PRKAG1: variants seen among roughly 807,000 people sequenced by gnomAD.
PRKAG1 encodes the protein protein kinase AMP-activated non-catalytic subunit gamma 1.
In PRKAG1, 27 loss-of-function variants were observed where a neutral mutation model predicts 48.2. The observed-to-expected ratio is 0.56, with a 90% CI of 0.41 to 0.77. The LOEUF (loss-of-function observed/expected upper bound fraction) is 0.77, where lower values mean the gene tolerates loss of function less well. PRKAG1 is among the 30% of genes least tolerant of loss of function. PRKAG1 has a pLI of 0.00. For missense variants in PRKAG1, 287 were observed against 398.3 expected, an observed-to-expected ratio of 0.72 and a Z score of 2.38; for synonymous variants, 130 against 147.7, an observed-to-expected ratio of 0.88 and a Z score of 0.87.
rs758113213 is a variant in PRKAG1, at chr12:49,004,984, G to A, written c.390C>T (p.Val130=). The change falls in exon 7 of 12, where the codon GTC becomes GTT. Residue 130 remains valine (V), a synonymous_variant. Coordinates refer to ENST00000548065, the MANE Select transcript of PRKAG1 (RefSeq NM_002733.5). Reference sequence around the variant, plus strand: ...CTCACCTGGCATTAGGAGAAATGCAGACAAGCGGTTTAAAGGAGTCCTGGA... The same window carrying A: ...CTCACCTGGCATTAGGAGAAATGCAAACAAGCGGTTTAAAGGAGTCCTGGA... The part of the protein sequence containing the change: ...VYLQDSFKPL[V]CISPNASLFD... 1 of 1,614,092 alleles carries A rather than the reference G, an allele frequency of 6.2e-7. No individual in the cohort carries two copies. Among genetic ancestry groups the A allele is most frequent in the African/African-American group, 1.3e-5 (1 of 75,006 alleles).
chr12:49,014,249 G>A (rs1941879619), intron 1 of PRKAG1, among the ~76,000 whole-genome samples: 2 of 152,172 alleles, frequency 1.3e-5, no homozygotes, highest in South Asian at 4.1e-4. Flanking sequence ...TGGAATCACA[G>A]AAGAGAAGAA....
Position 49,005,376 on chromosome 12 carries a change from G to A in PRKAG1, c.251-12C>T. 1 of 1,614,100 alleles carries A rather than the reference G, an allele frequency of 6.2e-7. No homozygotes were observed. Among genetic ancestry groups the A allele is most frequent in the Non-Finnish European group, 8.5e-7 (1 of 1,180,040 alleles). On this transcript the variant is annotated splice_polypyrimidine_tract_variant and intron_variant, in intron 4 of 11. Coordinates refer to ENST00000548065, the MANE Select transcript of PRKAG1 (RefSeq NM_002733.5). The surrounding 1 kb of genome is among the most constrained non-coding windows in gnomAD (Gnocchi z 4.1). ...GATGGTCAGCATGCCTAGAGGACAA[G>A]ACAGAGCCCTCAGCACTGCCTGAAG...
intron 1 of PRKAG1, among the ~76,000 whole-genome samples, chr12:49,014,921 T>A (rs901246863): frequency 6.6e-5 from 10 of 152,208 alleles, no homozygotes; most frequent in African/African-American, 2.4e-4. Flanking sequence ...CTGGGTGATA[T>A]CTCCAAAATA....
In PRKAG1 at chr12:49,005,064, G is replaced by A. The variant is rs772385187; in HGVS notation, c.356-46C>T. On this transcript the variant is annotated intron_variant, in intron 6 of 11. Coordinates refer to ENST00000548065, the MANE Select transcript of PRKAG1 (RefSeq NM_002733.5). This position sits in a 1 kb window ranked among gnomAD's most constrained non-coding sequence, Gnocchi z 4.1. The stretch of plus-strand genomic sequence containing the variant: ...TCACAAAATACCACCATGGAAAAGT[G>A]TTTCCCAGAAACCCGCCATCCCTTT... 1.9e-6 allele frequency: 3 copies of A among 1,613,036 alleles called. No individual in the cohort carries two copies. Among genetic ancestry groups the A allele is most frequent in the East Asian group, 2.2e-5 (1 of 44,886 alleles).
In PRKAG1 at chr12:49,005,136, C is replaced by T. The variant is rs1941482960; in HGVS notation, c.339G>A (p.Lys113=). 1 of 1,613,990 alleles carries T rather than the reference C, an allele frequency of 6.2e-7. No individual in the cohort carries two copies. The highest frequency in any genetic ancestry group is 1.3e-5 in the African/African-American group (1 of 74,882). Residue 113 remains lysine (K), a synonymous_variant, in exon 6 of 12, where the codon AAG becomes AAA. Transcript: ENST00000548065. The surrounding 1 kb of genome is among the most constrained non-coding windows in gnomAD (Gnocchi z 4.1). ...LVQIYELEEH[K]IETWREVYLQ... ...TCTACATACCTCTCCAAGTTTCTAT[C>T]TTGTGTTCTTCTAGCTCATAGATCT...
rs1466565056 is a variant in PRKAG1, at chr12:49,005,765, A to G, written c.146T>C (p.Val49Ala). The G allele has an allele frequency of 6.2e-7, 1 of 1,613,938 alleles. No homozygotes were observed. Among genetic ancestry groups the G allele is most frequent in the African/African-American group, 1.3e-5 (1 of 74,914 alleles). The change falls in exon 3 of 12, where the codon GTT becomes GCT. Residue 49 changes from valine to alanine, a missense_variant. Physicochemically the swap from Val to Ala is moderately conservative, Grantham distance 64. This residue lies in a region of PRKAG1 where 224 missense variants were observed against 344.3 expected (regional missense o/e 0.65). Coordinates refer to ENST00000548065, the MANE Select transcript of PRKAG1 (RefSeq NM_002733.5). This position sits in a 1 kb window ranked among gnomAD's most constrained non-coding sequence, Gnocchi z 4.1. ...YDLIPTSSKL[V>A]VFDTSLQVKK... The stretch of plus-strand genomic sequence containing the variant: ...CACCTGCAGGGACGTATCAAATACA[A>G]CCAATTTGGAGCTTGTGGGAATCAG...
intron 1 of PRKAG1, among the ~76,000 whole-genome samples, chr12:49,016,405 G>A (rs1941970406): frequency 6.6e-6 from 1 of 152,170 alleles, no homozygotes; most frequent in South Asian, 2.1e-4. Flanking sequence ...AGATGTCACA[G>A]AGACTCCTCA....
intron 2 of PRKAG1, among the ~76,000 whole-genome samples, chr12:49,006,082 C>A (rs1458093188): frequency 1.3e-5 from 2 of 152,106 alleles, no homozygotes. Context: ...TCTATTGGTC[C>A]CTATAGGTAA....
At chr12:49,004,032 A>G in intron 8 of PRKAG1, 110 bp from the exon 9 acceptor site, 3 of 1,427,186 alleles carry the variant, frequency 2.1e-6, no homozygotes, top group Non-Finnish European at 2.8e-6. Context: ...GCTTATGCCT[A>G]TAATCCCAGC....
rs200606048 is a variant in PRKAG1 at position 49,003,186 on chromosome 12, A to T, written c.846T>A (p.His282Gln). ...YFEGVLKCYL[H>Q]ETLETIINRL... The stretch of plus-strand genomic sequence containing the variant: ...TGTTGATGATGGTCTCCAGAGTCTC[A>T]TGCAGGTAGCACTTGAGAACACCCT... Residue 282 changes from histidine (H) to glutamine (Q), a missense_variant, in exon 11 of 12, where the codon CAT becomes CAA. Transcript: ENST00000548065. 509 of 1,614,036 alleles carry T rather than the reference A, an allele frequency of 3.2e-4. No individual in the cohort carries two copies. The highest frequency in any genetic ancestry group is 4.2e-4 in the Non-Finnish European group (495 of 1,180,036).
At chr12:49,010,766 TGTG>T (rs1941722465) in intron 2 of PRKAG1, among the ~76,000 whole-genome samples, 1 of 152,102 alleles carries the variant, frequency 6.6e-6, no homozygotes, top group South Asian at 2.1e-4. Flanking sequence ...TTCCCTATGG[TGTG>T]TTTGTGTCTT....
At position 49,013,063 on chromosome 12, in the gene PRKAG1, T is replaced by C. The variant is rs201544023; in HGVS notation, c.57A>G (p.Gln19=). The C allele has an allele frequency of 1.5e-5, 24 of 1,612,392 alleles. No homozygotes were observed. The highest frequency in any genetic ancestry group is 8.3e-5 in the Admixed American group (5 of 59,998). Residue 19 remains glutamine, a splice_region_variant and synonymous_variant, in exon 2 of 12, where the codon CAA becomes CAG. Transcript: ENST00000548065. ...SSPAVENEHP[Q]ETPESNNSVY... is the part of the protein sequence containing the mutation. Reference sequence around the variant, plus strand: ...GTTTCCTTTCTTCAGTAAACTTACCTTGAGGATGCTCATTTTCCACAGCTG... The same window carrying C: ...GTTTCCTTTCTTCAGTAAACTTACCCTGAGGATGCTCATTTTCCACAGCTG...
intron 1 of PRKAG1, chr12:49,017,377 T>A (rs1053654173): frequency 8.6e-6 from 3 of 350,436 alleles, no homozygotes; most frequent in Non-Finnish European, 1.7e-5. Flanking sequence ...TGGGTAATTT[T>A]TGTATTTTTG....
Position 49,005,184 on chromosome 12 carries a change from G to T in PRKAG1, c.310-19C>A, listed in dbSNP as rs778835174. ...TCTGTACCTGAAAGCAGAAGCAACA[G>T]AATTTGAGACCTGATCTCTCTGCTT... On this transcript the variant is annotated intron_variant, in intron 5 of 11. Coordinates refer to ENST00000548065, the MANE Select transcript of PRKAG1 (RefSeq NM_002733.5). This position sits in a 1 kb window ranked among gnomAD's most constrained non-coding sequence, Gnocchi z 4.1. 9.9e-6 allele frequency: 16 copies of T among 1,614,098 alleles called. No individual in the cohort carries two copies. In the South Asian group the frequency reaches 1.8e-4, roughly 18 times the overall value.
chr12:49,003,555 C>T lies in PRKAG1; in HGVS notation c.741+3G>A, dbSNP rs552989046. 2 of 1,603,876 alleles carry T rather than the reference C, an allele frequency of 1.2e-6. No individual in the cohort carries two copies. Among genetic ancestry groups the T allele is most frequent in the Admixed American group, 1.7e-5 (1 of 59,618 alleles). The stretch of plus-strand genomic sequence containing the variant: ...ACCTCCCAGACCCTCCACAATCACT[C>T]ACGATAACATCAAACTTGGAGTAGA... On this transcript the variant is annotated splice_donor_region_variant and intron_variant, in intron 10 of 11. Coordinates refer to ENST00000548065, the MANE Select transcript of PRKAG1 (RefSeq NM_002733.5).
At chr12:49,017,555 T>TC in intron 1 of PRKAG1, 1 of 215,910 alleles carries the variant, frequency 4.6e-6, no homozygotes. Context: ...CAGAGCCTAA[T>TC]CCAGTACATA....
In PRKAG1 at chr12:49,003,249, A is replaced by C; in HGVS notation, c.783T>G (p.Ser261=). ...AEKTYNNLDV[S]VTKALQHRSH... is the part of the protein sequence containing the mutation. Reference sequence around the variant, plus strand: ...ATCGATGTTGCAAGGCTTTAGTCACAGATACATCTAGGTTGTTGTAGGTCT... The same window carrying C: ...ATCGATGTTGCAAGGCTTTAGTCACCGATACATCTAGGTTGTTGTAGGTCT... Residue 261 remains serine, a synonymous_variant, in exon 11 of 12, where the codon TCT becomes TCG. Coordinates refer to ENST00000548065, the MANE Select transcript of PRKAG1 (RefSeq NM_002733.5). 1.9e-6 allele frequency: 3 copies of C among 1,614,192 alleles called. No individual in the cohort carries two copies. The highest frequency in any genetic ancestry group is 2.5e-6 in the Non-Finnish European group (3 of 1,180,034).
intron 1 of PRKAG1, chr12:49,017,943 G>C (rs1942060684): frequency 6.6e-6 from 1 of 152,174 alleles, no homozygotes; most frequent in African/African-American, 2.4e-5. Context: ...GAAGACACAT[G>C]GTTAAAAACT....
chr12:49,015,001 G>A (rs1314394755), intron 1 of PRKAG1, among the ~76,000 whole-genome samples: 3 of 152,220 alleles, frequency 2.0e-5, no homozygotes, highest in African/African-American at 7.2e-5. Context: ...GAGGTTGGCT[G>A]ACAAACTTCC....
Sources: gnomAD v4.1 joint callset for allele counts (sites outside exome capture counted in the v4.1 genomes callset) on GRCh38, gnomAD v4.1.1 for gene constraint, gnomAD v4.1.1 regional missense constraint, Gnocchi (gnomAD v3.1) non-coding constraint, MANE v1.5 for transcripts, NCBI Gene and HGNC (gene_info 2026-07-23, HGNC 2026-07-21) for gene names.